The following SEMA4D variants were observed in gnomAD, a reference collection of about 807,000 sequenced individuals.
SEMA4D encodes semaphorin 4D, also known as semaphorin-4D.
A neutral mutation model predicts 74.8 loss-of-function variants in SEMA4D; 22 were observed. That is an observed-to-expected ratio of 0.29 (90% CI 0.21 to 0.42). SEMA4D has a LOEUF of 0.42. Ranked by LOEUF, SEMA4D falls within the 10% of genes least tolerant of loss-of-function variation. The pLI is 1.00. For missense variants in SEMA4D, 937 were observed against 1,118.4 expected, an observed-to-expected ratio of 0.84 and a Z score of 2.31; for synonymous variants, 445 against 463.7, an observed-to-expected ratio of 0.96 and a Z score of 0.52.
At chr9:89,379,820 G>T (rs1442235540) in intron 15 of SEMA4D, among the ~76,000 whole-genome samples, 191 bp from the exon 16 acceptor site, 1 of 152,150 alleles carries the variant, frequency 6.6e-6, no homozygotes, top group Non-Finnish European at 1.5e-5. Flanking sequence ...CAGCCCATGG[G>T]GACAAAGAAA....
intron 1 of SEMA4D, among the ~76,000 whole-genome samples, chr9:89,478,447 C>T (rs967375456): frequency 2.0e-5 from 3 of 152,072 alleles, no homozygotes. Flanking sequence ...TGTGGCCCTG[C>T]TGACACCTTG....
rs752949081 is a variant in SEMA4D, at chr9:89,388,985, G to C, written c.837C>G (p.Leu279=). Residue 279 remains leucine, a synonymous_variant, in exon 10 of 16, where the codon CTC becomes CTG. Coordinates refer to ENST00000422704, the MANE Select transcript of SEMA4D (RefSeq NM_001371194.2). ...KKWTSFLKAR[L]ICSRPDSGLV... is the part of the protein sequence containing the mutation. ...AGCCGCTGTCTGGCCGGGAGCAGAT[G>C]AGTCGGGCTTTCAGGAAGGAGGTCC... is the stretch of plus-strand genomic sequence containing the variant. 1.2e-6 allele frequency: 2 copies of C among 1,614,074 alleles called. No homozygotes were observed. The highest frequency in any genetic ancestry group is 2.2e-5 in the South Asian group (2 of 91,080).
chr9:89,459,578 A>G (rs1038958917), intron 1 of SEMA4D, among the ~76,000 whole-genome samples: 4 of 152,156 alleles, frequency 2.6e-5, no homozygotes. Flanking sequence ...ATCCTCCTGG[A>G]GAGATGAGAA....
chr9:89,362,505 T>C, intron 18 of SEMA4D: 2 of 1,613,258 alleles, frequency 1.2e-6, no homozygotes, highest in Admixed American at 1.7e-5. Context: ...GTCTGTCTCA[T>C]AGCCCATCCC....
At chr9:89,403,242 C>T (rs982298125) in intron 3 of SEMA4D, among the ~76,000 whole-genome samples, 1 of 152,222 alleles carries the variant, frequency 6.6e-6, no homozygotes, top group African/African-American at 2.4e-5. Context: ...ATGGGAACCA[C>T]TCACAGCCCT....
intron 2 of SEMA4D, among the ~76,000 whole-genome samples, chr9:89,449,231 A>C: frequency 6.6e-6 from 1 of 152,210 alleles, no homozygotes; most frequent in East Asian, 1.9e-4. Flanking sequence ...AAAATGCAAA[A>C]TAATAGCACT....
chr9:89,422,021 A>T lies in SEMA4D; in HGVS notation c.-243-16322T>A, dbSNP rs1028330395. Among the ~76,000 whole-genome samples the T allele has an allele frequency of 5.9e-5, 9 of 152,364 alleles. No homozygotes were observed. The South Asian group carries it at 1.9e-3, about 32-fold the overall frequency. Reference sequence around the variant, plus strand: ...AAAATATTTTAAATCTGATATCAAAAGTAAAATACAGTAATTGTAGAAAAT... The same window carrying T: ...AAAATATTTTAAATCTGATATCAAATGTAAAATACAGTAATTGTAGAAAAT... On this transcript the variant is annotated intron_variant, in intron 2 of 15. Coordinates refer to ENST00000422704, the MANE Select transcript of SEMA4D (RefSeq NM_001371194.2).
chr9:89,393,425 G>A, intron 7 of SEMA4D, 137 bp downstream of exon 7: 2 of 684,356 alleles, frequency 2.9e-6, no homozygotes, highest in African/African-American at 1.8e-5. Context: ...GCAGTCACAT[G>A]TGCCTTTTGT....
chr9:89,497,066 T>C (rs1233741778), intron 1 of SEMA4D, among the ~76,000 whole-genome samples: 1 of 152,202 alleles, frequency 6.6e-6, no homozygotes, highest in Non-Finnish European at 1.5e-5. Flanking sequence ...CCAGGCCTCA[T>C]TTGACGCAAA....
chr9:89,361,601 C>T (rs1832770551), exon 19 of SEMA4D: 1 of 152,170 alleles, frequency 6.6e-6, no homozygotes, highest in South Asian at 2.1e-4. Context: ...GAGACTCATT[C>T]CATCGTCAAG....
rs201370829 is a variant in SEMA4D at position 89,381,111 on chromosome 9, C to T, written c.1620-13G>A. On this transcript the variant is annotated splice_polypyrimidine_tract_variant and intron_variant, in intron 14 of 15. Transcript: ENST00000422704. The surrounding 1 kb of genome is among the most constrained non-coding windows in gnomAD (Gnocchi z 4.6). ...CTGAATCAAACCCCTGCAAAACAACCGGCACGTGTTATTCACCCACACACA... is the reference window on the plus strand; with the variant it reads ...CTGAATCAAACCCCTGCAAAACAACTGGCACGTGTTATTCACCCACACACA... 9 of 1,614,026 alleles carry T rather than the reference C, an allele frequency of 5.6e-6. No individual in the cohort carries two copies. Among genetic ancestry groups the T allele is most frequent in the Admixed American group, 1.7e-5 (1 of 60,010 alleles).
chr9:89,396,829 AC>A lies in SEMA4D; in HGVS notation c.321del (p.Glu107AspfsTer32). 1 of 1,612,962 alleles carries A rather than the reference AC, an allele frequency of 6.2e-7. No homozygotes were observed. The highest frequency in any genetic ancestry group is 8.5e-7 in the Non-Finnish European group (1 of 1,179,478). ...TGCAGCACCCGGATGTAGTTGAGGC[AC>A]TCTGTCTGCAGGGAAGAGAAATGCA... ...CAEKGKSKQT[E>X]CLNYIRVLQP... On this transcript the variant is annotated frameshift_variant, in exon 6 of 16. Coordinates refer to ENST00000422704, the MANE Select transcript of SEMA4D (RefSeq NM_001371194.2). LOFTEE classifies it high-confidence loss of function.
chr9:89,490,410 A>G (rs893902820), intron 1 of SEMA4D, among the ~76,000 whole-genome samples: 1 of 152,212 alleles, frequency 6.6e-6, no homozygotes. Context: ...TTCATTTATG[A>G]TTTTTTGGCT....
chr9:89,363,410 G>A, intron 18 of SEMA4D: 16 of 1,607,252 alleles, frequency 1.0e-5, no homozygotes, highest in Non-Finnish European at 1.4e-5. Flanking sequence ...TCCTTTCTTT[G>A]CCCGGCTGCG....
intron 16 of SEMA4D, among the ~76,000 whole-genome samples, chr9:89,371,459 GT>G: frequency 8.6e-6 from 1 of 116,410 alleles, no homozygotes; most frequent in African/African-American, 3.3e-5. Context: ...TGTGTCTGGG[GT>G]GTGTGTGTGG....
chr9:89,495,264 G>A (rs1024815270), intron 1 of SEMA4D, among the ~76,000 whole-genome samples: 4 of 152,112 alleles, frequency 2.6e-5, no homozygotes, highest in African/African-American at 9.7e-5. Flanking sequence ...ATTCGCTCAG[G>A]GAGGGTCACA....
intron 7 of SEMA4D, 35 bp from the exon 8 acceptor site, chr9:89,392,571 C>A (rs1339141570): frequency 7.3e-7 from 1 of 1,372,366 alleles, no homozygotes; most frequent in African/African-American, 1.4e-5. Context: ...GAAAAGGGAA[C>A]CAACCTCTCA....
chr9:89,479,779 T>C, intron 1 of SEMA4D: 1 of 167,050 alleles, frequency 6.0e-6, no homozygotes, highest in South Asian at 1.5e-4. Flanking sequence ...GCTGCAGATC[T>C]TCGCGGTGAG....
At chr9:89,442,223 T>C (rs1851825952) in intron 2 of SEMA4D, among the ~76,000 whole-genome samples, 1 of 148,554 alleles carries the variant, frequency 6.7e-6, no homozygotes, top group Non-Finnish European at 1.5e-5. Context: ...GCCAAAGCAC[T>C]GGGAGGGGCT....
Sources: gnomAD v4.1 joint callset for allele counts (sites outside exome capture counted in the v4.1 genomes callset) on GRCh38, gnomAD v4.1.1 for gene constraint, Gnocchi (gnomAD v3.1) non-coding constraint, MANE v1.5 for transcripts, NCBI Gene and HGNC (gene_info 2026-07-23, HGNC 2026-07-21) for gene names.